Variants in AGPAT3 observed in about 807,000 individuals in gnomAD.
The protein encoded by AGPAT3 is 1-acylglycerol-3-phosphate O-acyltransferase 3.
AGPAT3 carries 5 observed loss-of-function variants against 47.3 expected under a neutral mutation model. That is an observed-to-expected ratio of 0.11 (90% CI 0.06 to 0.22). The LOEUF (loss-of-function observed/expected upper bound fraction) is 0.22, where lower values mean the gene tolerates loss of function less well. AGPAT3 is among the 10% of genes least tolerant of loss of function. The probability of loss-of-function intolerance (pLI) is 1.00; values close to 1 mark genes in which losing one functional copy is unlikely to be tolerated. For synonymous variants in AGPAT3, 212 were observed against 208.3 expected, an observed-to-expected ratio of 1.02 and a Z score of -0.15; for missense variants, 315 against 493.0, an observed-to-expected ratio of 0.64 and a Z score of 3.42.
At chr21:43,923,299 C>T (rs186045436) in intron 2 of AGPAT3, among the ~76,000 whole-genome samples, 10 of 152,318 alleles carry the variant, frequency 6.6e-5, no homozygotes, top group Admixed American at 3.3e-4. Context: ...CGGGCAACGC[C>T]TCGGGAAGCA....
intron 1 of AGPAT3, among the ~76,000 whole-genome samples, chr21:43,873,024 G>A (rs563699758): frequency 7.2e-5 from 11 of 152,348 alleles, no homozygotes; most frequent in African/African-American, 2.6e-4. Context: ...AAAGACTGTG[G>A]GGACAAGTGC....
In AGPAT3 at chr21:43,983,818, A is replaced by G. The variant is rs2029964909; in HGVS notation, c.*1426A>G. ...GCCCTCATCTTTTTAGCAAGGTAAA[A>G]AAACCAAAATGGGTGTTATCTCTGA... On this transcript the variant is annotated 3_prime_UTR_variant, in exon 10 of 10. Transcript: ENST00000291572. 1 of 152,272 alleles carries G rather than the reference A, an allele frequency of 6.6e-6. No individual in the cohort carries two copies. The highest frequency in any genetic ancestry group is 2.4e-5 in the African/African-American group (1 of 41,474). The allele number at this position is 152,272 out of a possible 1,614,324, so 9.4% of individuals were successfully genotyped here.
intron 2 of AGPAT3, among the ~76,000 whole-genome samples, chr21:43,910,705 G>A (rs2086613108): frequency 6.6e-6 from 1 of 152,154 alleles, no homozygotes; most frequent in South Asian, 2.1e-4. Flanking sequence ...GCTCTGAAGT[G>A]TGATGTATAT....
At chr21:43,971,346 C>A in intron 6 of AGPAT3, 42 bp from the exon 7 acceptor site, 1 of 1,580,868 alleles carries the variant, frequency 6.3e-7, no homozygotes, top group Non-Finnish European at 8.7e-7. Flanking sequence ...GACCATGCAG[C>A]CGCCTGGGCT....
At chr21:43,899,513 G>A (rs374988550) in intron 1 of AGPAT3, among the ~76,000 whole-genome samples, 2 of 152,252 alleles carry the variant, frequency 1.3e-5, no homozygotes, top group Non-Finnish European at 2.9e-5. Context: ...GAAGGTCTGA[G>A]CGATTCGTGA....
intron 1 of AGPAT3, among the ~76,000 whole-genome samples, chr21:43,897,187 T>A (rs567337229): frequency 9.9e-5 from 15 of 152,090 alleles, no homozygotes; most frequent in Admixed American, 3.9e-4. Flanking sequence ...TTCAAGCGTC[T>A]GTTTAACAAA....
intron 1 of AGPAT3, among the ~76,000 whole-genome samples, chr21:43,875,141 T>TG (rs891152898): frequency 1.3e-5 from 2 of 151,886 alleles, no homozygotes; most frequent in African/African-American, 2.4e-5. Context: ...CCACCACGCC[T>TG]GGGGTAATTT....
intron 1 of AGPAT3, among the ~76,000 whole-genome samples, chr21:43,872,672 T>A (rs1402660075): frequency 2.6e-5 from 4 of 152,238 alleles, no homozygotes; most frequent in African/African-American, 9.6e-5. Context: ...TTCTTCCTTA[T>A]ATCTTTCGTA....
chr21:43,910,614 C>T (rs774779933), intron 2 of AGPAT3, among the ~76,000 whole-genome samples: 1 of 152,152 alleles, frequency 6.6e-6, no homozygotes, highest in South Asian at 2.1e-4. Flanking sequence ...TGTATGCCCA[C>T]GGGGGACTGG....
intron 2 of AGPAT3, among the ~76,000 whole-genome samples, chr21:43,936,317 T>G (rs2087444771): frequency 6.6e-6 from 1 of 152,208 alleles, no homozygotes; most frequent in Non-Finnish European, 1.5e-5. Context: ...CCCCTAGCAG[T>G]GGCGAGCACG....
At chr21:43,884,103 T>C (rs2085912456) in intron 1 of AGPAT3, among the ~76,000 whole-genome samples, 1 of 152,162 alleles carries the variant, frequency 6.6e-6, no homozygotes, top group Admixed American at 6.5e-5. Context: ...GGTGGTTACC[T>C]CTGTCACCAG....
In AGPAT3 at chr21:43,960,438, C is replaced by T. The variant is rs2088774799; in HGVS notation, c.178+579C>T. On this transcript the variant is annotated intron_variant, in intron 3 of 9. Coordinates refer to ENST00000291572, the MANE Select transcript of AGPAT3 (RefSeq NM_020132.5). ...TGGACAGGTAACCGCTCACACCGGG[C>T]GTCGTGGGGACATGAACAGGCGCAT... Among the ~76,000 whole-genome samples, 3 of 152,306 alleles carry T rather than the reference C, an allele frequency of 2.0e-5. No individual in the cohort carries two copies. The South Asian group carries it at 6.2e-4, about 32-fold the overall frequency.
chr21:43,883,449 A>G (rs2085898635), intron 1 of AGPAT3, among the ~76,000 whole-genome samples: 1 of 152,134 alleles, frequency 6.6e-6, no homozygotes, highest in Non-Finnish European at 1.5e-5. Flanking sequence ...TGCAGATGAC[A>G]TGGCCGGGGC....
chr21:43,929,205 A>G (rs768261903), intron 2 of AGPAT3, among the ~76,000 whole-genome samples: 2 of 152,214 alleles, frequency 1.3e-5, no homozygotes, highest in African/African-American at 4.8e-5. Context: ...GAAGCAGGGC[A>G]TGTACAGCCG....
At chr21:43,917,927 T>C (rs1180466195) in intron 2 of AGPAT3, among the ~76,000 whole-genome samples, 4 of 45,180 alleles carry the variant, frequency 8.9e-5, no homozygotes, top group Non-Finnish European at 1.5e-4. Context: ...GTAGGGGGTG[T>C]GGGTGTTGTG....
In AGPAT3 at chr21:43,966,882, G is replaced by T. The variant is rs184200298; in HGVS notation, c.179-1064G>T. The T allele has an allele frequency of 7.8e-3, 1,195 of 152,452 alleles. 5 individuals are homozygous for T. Among genetic ancestry groups the T allele is most frequent in the Non-Finnish European group, 0.014 (950 of 68,126 alleles). 9.4% of individuals were successfully genotyped at this position (152,452 alleles called of 1,614,324 possible). ...GCCATCCTTCCCGGACAACTGGCTG[G>T]GGGGCACAAGACTCTGGTGGCCGAC... is the stretch of plus-strand genomic sequence containing the variant. On this transcript the variant is annotated intron_variant, in intron 3 of 9. Coordinates refer to ENST00000291572, the MANE Select transcript of AGPAT3 (RefSeq NM_020132.5).
intron 2 of AGPAT3, among the ~76,000 whole-genome samples, chr21:43,947,800 C>T (rs1450166381): frequency 1.3e-5 from 2 of 151,802 alleles, no homozygotes; most frequent in African/African-American, 4.8e-5. Context: ...CCTGCCACCA[C>T]ACCCGGCTAA....
intron 1 of AGPAT3, among the ~76,000 whole-genome samples, chr21:43,881,195 C>T (rs2123582481): frequency 6.6e-6 from 1 of 152,052 alleles, no homozygotes; most frequent in African/African-American, 2.4e-5. Context: ...TTATTTTGTG[C>T]CTTGTGATTA....
At chr21:43,906,754 C>T (rs574213396) in intron 2 of AGPAT3, among the ~76,000 whole-genome samples, 15 of 152,354 alleles carry the variant, frequency 9.8e-5, no homozygotes, top group African/African-American at 2.2e-4. Flanking sequence ...GTGTGCCCTG[C>T]GGAGGTGGAC....
Sources: allele counts gnomAD v4.1 joint callset (sites outside exome capture counted in the v4.1 genomes callset), GRCh38; gene constraint gnomAD v4.1.1; transcripts MANE v1.5; gene names NCBI Gene and HGNC (gene_info 2026-07-23, HGNC 2026-07-21).